The following GORASP2 variants were observed in gnomAD, a reference collection of about 807,000 sequenced individuals.
The protein encoded by GORASP2 is Golgi reassembly-stacking protein 2.
In GORASP2, 22 loss-of-function variants were observed where a neutral mutation model predicts 45.7. That is an observed-to-expected ratio of 0.48 (90% CI 0.34 to 0.69). The LOEUF is 0.69. Among genes scored for constraint, GORASP2 ranks in the 30% least tolerant of loss-of-function variants. The pLI is 0.01. For missense variants in GORASP2, 491 were observed against 562.7 expected (o/e 0.87, Z 1.29); for synonymous variants, 221 against 215.6 (o/e 1.02, Z -0.22).
chr2:170,929,815 A>G (rs1250578085), intron 1 of GORASP2: 2 of 471,604 alleles, frequency 4.2e-6, no homozygotes, highest in East Asian at 7.2e-5. Flanking sequence ...GCGCTTTCCT[A>G]GGAGAGGGAT....
chr2:170,931,386 A>G (rs1035311322), intron 1 of GORASP2, among the ~76,000 whole-genome samples: 3 of 152,234 alleles, frequency 2.0e-5, no homozygotes, highest in African/African-American at 7.2e-5. Context: ...GTTAAATCTT[A>G]ACATGTAAAA....
chr2:170,943,442 G>C (rs777149803), intron 1 of GORASP2, among the ~76,000 whole-genome samples: 10 of 152,172 alleles, frequency 6.6e-5, no homozygotes, highest in Admixed American at 1.3e-4. Flanking sequence ...TCATAGGCTT[G>C]AGACTTAGCT....
intron 5 of GORASP2, among the ~76,000 whole-genome samples, chr2:170,952,999 G>A (rs183425276): frequency 6.6e-6 from 1 of 152,248 alleles, no homozygotes; most frequent in Non-Finnish European, 1.5e-5. Flanking sequence ...GATTGTGAGG[G>A]AAGAAGGGAA....
chr2:170,956,866 A>G (rs1228528327), intron 7 of GORASP2, among the ~76,000 whole-genome samples: 2 of 152,150 alleles, frequency 1.3e-5, no homozygotes, highest in African/African-American at 4.8e-5. Flanking sequence ...GTGAGCCGTG[A>G]TTGTGCCACT....
In GORASP2 at chr2:170,936,379, G is replaced by A. The variant is rs548141835; in HGVS notation, c.63+6976G>A. Among the ~76,000 whole-genome samples, 9 of 151,802 alleles carry A rather than the reference G, an allele frequency of 5.9e-5. No homozygotes were observed. In the East Asian group the frequency reaches 7.7e-4, roughly 13 times the overall value. On this transcript the variant is annotated intron_variant, in intron 1 of 9. Transcript: ENST00000234160. ...GTAGCTTACAGGCATATGCTGCCAC[G>A]TCTAGCCAATTTTAAAATTTTTTTG...
In GORASP2 at chr2:170,954,663, A is replaced by G. The variant is rs776239336; in HGVS notation, c.580A>G (p.Ile194Val). ...ATGTTTTTATAGCCTAGGATGTGGC[A>G]TTGGATATGGTTATTTGCATCGAAT... is the stretch of plus-strand genomic sequence containing the variant. Reference protein sequence around the residue: ...WGGEGSLGCGIGYGYLHRIPT... With the variant: ...WGGEGSLGCGVGYGYLHRIPT... The change falls in exon 6 of 10, where the codon ATT (isoleucine) becomes GTT (valine). Residue 194 changes from isoleucine to valine, a missense_variant. Ile to Val is a conservative substitution (Grantham distance 29). Coordinates refer to ENST00000234160, the MANE Select transcript of GORASP2 (RefSeq NM_015530.5). 6.2e-7 allele frequency: 1 copy of G among 1,612,622 alleles called. No individual in the cohort carries two copies. Among genetic ancestry groups the G allele is most frequent in the African/African-American group, 1.3e-5 (1 of 74,842 alleles).
At position 170,929,414 on chromosome 2, in the gene GORASP2, CG is replaced by C; in HGVS notation, c.63+12del. Reference sequence around the variant, plus strand: ...TACCACGTTCTGCGGGTAAGGGCTCCGACGGCGGCCGGGGAGCTGCGGGCTG... The same window carrying C: ...TACCACGTTCTGCGGGTAAGGGCTCCACGGCGGCCGGGGAGCTGCGGGCTG... On this transcript the variant is annotated intron_variant, in intron 1 of 9. Transcript: ENST00000234160. 1 of 1,377,156 alleles carries C rather than the reference CG, an allele frequency of 7.3e-7. No individual in the cohort carries two copies. The highest frequency in any genetic ancestry group is 9.4e-7 in the Non-Finnish European group (1 of 1,063,988). 85.3% of individuals were successfully genotyped at this position (1,377,156 alleles called of 1,614,324 possible). A position where few individuals can be genotyped will look rare whatever the true frequency, so the allele number is the denominator to read the frequency against.
Position 170,966,017 on chromosome 2 carries a change from C to G in GORASP2, c.1246C>G (p.Pro416Ala). 6.2e-7 allele frequency: 1 copy of G among 1,613,258 alleles called. No individual in the cohort carries two copies. The highest frequency in any genetic ancestry group is 8.5e-7 in the Non-Finnish European group (1 of 1,179,296). Residue 416 changes from proline (P) to alanine (A), a missense_variant, in exon 10 of 10, where the codon CCC becomes GCC. Coordinates refer to ENST00000234160, the MANE Select transcript of GORASP2 (RefSeq NM_015530.5). ...AASSLTVDVT[P>A]PTAKAPTTVE... ...CTCCTCACTCACTGTGGATGTGACG[C>G]CCCCCACTGCCAAGGCCCCCACCAC...
intron 4 of GORASP2, 62 bp downstream of exon 4, chr2:170,950,352 G>A (rs940483541): frequency 2.3e-5 from 18 of 776,936 alleles, no homozygotes; most frequent in Admixed American, 1.9e-4. Context: ...GGTTTGAGTT[G>A]AGAAAGATAT....
chr2:170,929,803 T>C (rs1703774346), intron 1 of GORASP2: 2 of 473,462 alleles, frequency 4.2e-6, no homozygotes, highest in Middle Eastern at 3.6e-4. Flanking sequence ...AAGGCAGCCT[T>C]TGCGCTTTCC....
chr2:170,963,374 C>CA (rs766498214), intron 9 of GORASP2, among the ~76,000 whole-genome samples: 3,451 of 76,348 alleles, frequency 0.045, 304 homozygotes, highest in African/African-American at 0.16. Flanking sequence ...GACTTCATCT[C>CA]AAAAAAAAAA....
intron 7 of GORASP2, 32 bp downstream of exon 7, chr2:170,956,591 T>C: frequency 6.4e-7 from 1 of 1,565,666 alleles, no homozygotes; most frequent in Non-Finnish European, 8.7e-7. Context: ...GTTTTCAGTC[T>C]ATTTTATGTA....
intron 1 of GORASP2, among the ~76,000 whole-genome samples, chr2:170,931,869 C>T (rs1028451700): frequency 6.6e-6 from 1 of 152,188 alleles, no homozygotes; most frequent in African/African-American, 2.4e-5. Context: ...TTCTTATCCC[C>T]ACTCCAGAGT....
intron 1 of GORASP2, among the ~76,000 whole-genome samples, chr2:170,942,353 A>T (rs574840023): frequency 3.8e-4 from 58 of 152,292 alleles, no homozygotes; most frequent in African/African-American, 1.3e-3. Context: ...TCCAGAAAGA[A>T]ACCCATATGT....
chr2:170,954,569 A>G, intron 5 of GORASP2, 81 bp from the exon 6 acceptor site: 1 of 1,137,564 alleles, frequency 8.8e-7, no homozygotes, highest in Non-Finnish European at 1.3e-6. Context: ...CTCTTGGGTT[A>G]CCCGCCCCCC....
intron 3 of GORASP2, 34 bp from the exon 4 acceptor site, chr2:170,950,170 A>G: frequency 9.9e-7 from 1 of 1,013,736 alleles, no homozygotes; most frequent in Non-Finnish European, 1.5e-6. Context: ...TTTTATATAT[A>G]TTAATTTTAG....
chr2:170,939,376 T>C (rs1704023609), intron 1 of GORASP2, among the ~76,000 whole-genome samples: 1 of 152,212 alleles, frequency 6.6e-6, no homozygotes, highest in Non-Finnish European at 1.5e-5. Context: ...TCTAGTCTAC[T>C]GCAAAATTAT....
intron 9 of GORASP2, 92 bp from the exon 10 acceptor site, chr2:170,965,698 T>G: frequency 2.2e-6 from 2 of 907,386 alleles, no homozygotes; most frequent in Non-Finnish European, 1.8e-6. Flanking sequence ...TTCAGTTTCC[T>G]TAATGAAATG....
intron 5 of GORASP2, chr2:170,954,351 A>G (rs77845031): frequency 0.042 from 9,959 of 238,406 alleles, 302 homozygotes; most frequent in Non-Finnish European, 0.056. Context: ...TAGTAAATAA[A>G]TATGCAGTGT....
Sources: allele counts gnomAD v4.1 joint callset (sites outside exome capture counted in the v4.1 genomes callset), GRCh38; gene constraint gnomAD v4.1.1; transcripts MANE v1.5; gene names NCBI Gene and HGNC (gene_info 2026-07-23, HGNC 2026-07-21).